NGEF: variants seen among roughly 807,000 people sequenced by gnomAD.
NGEF encodes the protein ephexin-1.
A neutral mutation model predicts 80.9 loss-of-function variants in NGEF; 31 were observed. That is an observed-to-expected ratio of 0.38 (90% CI 0.29 to 0.52). The LOEUF is 0.52. NGEF is among the 20% of genes least tolerant of loss of function. NGEF has a pLI of 0.84. For synonymous variants in NGEF, 371 were observed against 370.2 expected (o/e 1.00, Z -0.03); for missense variants, 709 against 926.2 (o/e 0.77, Z 3.04).
At chr2:232,989,601 T>A (rs930894946) in intron 1 of NGEF, among the ~76,000 whole-genome samples, 1 of 152,216 alleles carries the variant, frequency 6.6e-6, no homozygotes, top group Non-Finnish European at 1.5e-5. Context: ...AGTTATGGGA[T>A]CTGGACAACA....
intron 3 of NGEF, among the ~76,000 whole-genome samples, chr2:232,950,625 G>T (rs1693658832): frequency 6.6e-6 from 1 of 152,216 alleles, no homozygotes; most frequent in African/African-American, 2.4e-5. Context: ...TCCAGAAAAG[G>T]CTACCAAAGG....
At chr2:232,937,866 G>C (rs758502570) in intron 3 of NGEF, among the ~76,000 whole-genome samples, 1 of 152,184 alleles carries the variant, frequency 6.6e-6, no homozygotes, top group African/African-American at 2.4e-5. Context: ...CTAAAGCTTG[G>C]GGGAGGTAAC....
chr2:232,914,877 C>T (rs187112808), intron 5 of NGEF, among the ~76,000 whole-genome samples: 8 of 151,146 alleles, frequency 5.3e-5, no homozygotes, highest in Middle Eastern at 3.4e-3. Flanking sequence ...ATTACCTGGG[C>T]GTGGTGGTGC....
intron 5 of NGEF, among the ~76,000 whole-genome samples, chr2:232,899,747 TACAC>T (rs1195136584): frequency 1.9e-4 from 19 of 98,302 alleles, no homozygotes; most frequent in Admixed American, 5.6e-4. Flanking sequence ...CACATTCACT[TACAC>T]ACGTGCTCTC....
In NGEF at chr2:232,906,199, C is replaced by A. The variant is rs1322426553; in HGVS notation, c.829-11283G>T. On this transcript the variant is annotated intron_variant, in intron 5 of 14. Transcript: ENST00000264051. ...GTCAGCCCCCCGCCTGGCCAGCCGC[C>A]CCGTCCGGGAAGGAGGTGGGGGGGG... Among the ~76,000 whole-genome samples the A allele has an allele frequency of 1.1e-4, 3 of 28,288 alleles. 1 individual carries two copies. The allele number at this position is 28,288 out of a possible 152,430, so 18.6% of individuals were successfully genotyped here.
chr2:232,953,752 G>T (rs529983922), intron 3 of NGEF, among the ~76,000 whole-genome samples: 1 of 152,184 alleles, frequency 6.6e-6, no homozygotes, highest in African/African-American at 2.4e-5. Flanking sequence ...GGAACGCAGA[G>T]GGGCCACAAA....
At chr2:232,933,356 G>A (rs181289127) in intron 3 of NGEF, among the ~76,000 whole-genome samples, 2 of 152,188 alleles carry the variant, frequency 1.3e-5, no homozygotes, top group African/African-American at 4.8e-5. Flanking sequence ...CAAACCAGGA[G>A]CCAAGTAGAA....
Position 232,884,138 on chromosome 2 carries a change from G to T in NGEF, c.1444C>A (p.Pro482Thr). The change falls in exon 11 of 15, where the codon CCC becomes ACC. Residue 482 changes from proline to threonine, a missense_variant. Transcript: ENST00000264051. ...AGCCAGCGGGAGTGGGAGATGATGG[G>T]CACCGACTGCAGCGGGGAAAGGGCA... ...KKMEFKIKSV[P>T]IISHSRWLLK... is the part of the protein sequence containing the mutation. 1 of 1,596,404 alleles carries T rather than the reference G, an allele frequency of 6.3e-7. No homozygotes were observed.
At chr2:232,902,543 TCA>T (rs527865915) in intron 5 of NGEF, among the ~76,000 whole-genome samples, 114 of 152,282 alleles carry the variant, frequency 7.5e-4, no homozygotes, top group African/African-American at 2.6e-3. Flanking sequence ...GCCTCGGCAC[TCA>T]CACACATCAC....
At chr2:232,905,592 C>T (rs549972681) in intron 5 of NGEF, 1 of 285,920 alleles carries the variant, frequency 3.5e-6, no homozygotes, top group South Asian at 2.5e-5. Context: ...GCCCCTCTGC[C>T]TGGCTGCCCA....
intron 1 of NGEF, among the ~76,000 whole-genome samples, chr2:233,004,888 C>A (rs1695054974): frequency 6.6e-6 from 1 of 152,100 alleles, no homozygotes; most frequent in Non-Finnish European, 1.5e-5. Flanking sequence ...GTGATGGTTA[C>A]ACCAAAAGCC....
intron 3 of NGEF, among the ~76,000 whole-genome samples, chr2:232,953,214 A>G (rs550884398): frequency 4.1e-4 from 62 of 150,228 alleles, no homozygotes; most frequent in Admixed American, 1.5e-3. Flanking sequence ...AAGCAGGAGA[A>G]TCGCTGAAAC....
intron 5 of NGEF, among the ~76,000 whole-genome samples, chr2:232,905,249 G>A (rs1241804344): frequency 6.6e-6 from 1 of 152,236 alleles, no homozygotes; most frequent in Admixed American, 6.5e-5. Context: ...TTGCAGGCGC[G>A]CGCCGCCACG....
chr2:232,929,512 G>A (rs1257148121), intron 3 of NGEF, among the ~76,000 whole-genome samples: 2 of 152,142 alleles, frequency 1.3e-5, no homozygotes, highest in African/African-American at 2.4e-5. Flanking sequence ...GAACGGGCAG[G>A]TCTGATCTCT....
At chr2:232,984,784 G>A (rs889105206) in intron 1 of NGEF, among the ~76,000 whole-genome samples, 5 of 152,116 alleles carry the variant, frequency 3.3e-5, no homozygotes, top group African/African-American at 7.2e-5. Context: ...AAAGTTAAAC[G>A]TTTTATTTTA....
intron 5 of NGEF, among the ~76,000 whole-genome samples, chr2:232,899,243 C>T (rs929902178): frequency 2.0e-5 from 3 of 149,750 alleles, no homozygotes; most frequent in African/African-American, 7.4e-5. Flanking sequence ...ATGAGGGGGG[C>T]GTGTGAACGT....
At chr2:232,913,384 G>T (rs1692729199) in intron 5 of NGEF, among the ~76,000 whole-genome samples, 1 of 152,144 alleles carries the variant, frequency 6.6e-6, no homozygotes. Flanking sequence ...GTGTGTTAAG[G>T]AGAGTTATGC....
intron 5 of NGEF, chr2:232,901,553 G>T: frequency 1.9e-6 from 1 of 526,660 alleles, no homozygotes; most frequent in Non-Finnish European, 2.4e-6. Context: ...CGGAGCCAAA[G>T]GCCAGCAGAC....
chr2:232,964,473 C>T (rs1191442779), intron 3 of NGEF, among the ~76,000 whole-genome samples: 2 of 152,040 alleles, frequency 1.3e-5, no homozygotes, highest in East Asian at 3.9e-4. Flanking sequence ...CAGGCAGATG[C>T]CTTGAGGTCA....
Sources: gnomAD v4.1 joint callset for allele counts (sites outside exome capture counted in the v4.1 genomes callset) on GRCh38, gnomAD v4.1.1 for gene constraint, MANE v1.5 for transcripts, NCBI Gene and HGNC (gene_info 2026-07-23, HGNC 2026-07-21) for gene names.